Variants in NTN4 observed in about 807,000 individuals in gnomAD.
NTN4 encodes netrin-4.
Under a neutral mutation model 73.6 loss-of-function variants are expected in NTN4, and 32 were observed. The observed-to-expected ratio is 0.44, with a 90% confidence interval of 0.33 to 0.58. The LOEUF (loss-of-function observed/expected upper bound fraction) is 0.58, where lower values mean the gene tolerates loss of function less well. Ranked by LOEUF, NTN4 falls within the 20% of genes least tolerant of loss-of-function variation. The pLI, the probability that NTN4 is intolerant of heterozygous loss-of-function variation, is 0.04. For missense variants in NTN4, 654 were observed against 798.3 expected (o/e 0.82, Z 2.18); for synonymous variants, 258 against 287.5 (o/e 0.90, Z 1.04).
At chr12:95,747,759 A>G (rs1415785129) in intron 2 of NTN4, among the ~76,000 whole-genome samples, 1 of 152,198 alleles carries the variant, frequency 6.6e-6, no homozygotes, top group Non-Finnish European at 1.5e-5. Flanking sequence ...TTCCAATATA[A>G]AAATAATGGA....
At chr12:95,786,618 C>T (rs1230380567) in intron 2 of NTN4, among the ~76,000 whole-genome samples, 1 of 152,082 alleles carries the variant, frequency 6.6e-6, no homozygotes, top group African/African-American at 2.4e-5. Context: ...TAACTCTTCC[C>T]CCTTCAGAAG....
intron 2 of NTN4, among the ~76,000 whole-genome samples, chr12:95,767,098 T>A (rs1200645083): frequency 6.6e-6 from 1 of 152,118 alleles, no homozygotes; most frequent in Non-Finnish European, 1.5e-5. Context: ...CAGGATTGAG[T>A]CCAAACTGCT....
chr12:95,659,096 T>C lies in NTN4; in HGVS notation c.1877A>G (p.Glu626Gly). The change falls in exon 10 of 10, where the codon GAG becomes GGG. Residue 626 changes from glutamate to glycine, a missense_variant. Coordinates refer to ENST00000343702, the MANE Select transcript of NTN4 (RefSeq NM_021229.4). ...GRKVMDILKR[E>G]CK ...CTATCCATCTTAATGCTACTTGCACTCTCTTTTTAAAATATCCATGACTTT... is the reference window on the plus strand; with the variant it reads ...CTATCCATCTTAATGCTACTTGCACCCTCTTTTTAAAATATCCATGACTTT... The C allele has an allele frequency of 6.2e-7, 1 of 1,611,888 alleles. No homozygotes were observed.
intron 2 of NTN4, among the ~76,000 whole-genome samples, chr12:95,741,250 T>C (rs904134177): frequency 4.0e-5 from 6 of 150,848 alleles, no homozygotes; most frequent in African/African-American, 1.2e-4. Flanking sequence ...ATAGAGACTA[T>C]GTTTCTCCTA....
intron 2 of NTN4, among the ~76,000 whole-genome samples, chr12:95,744,110 C>T: frequency 6.6e-6 from 1 of 152,208 alleles, no homozygotes; most frequent in African/African-American, 2.4e-5. Flanking sequence ...CTATCTTGGC[C>T]AGGCTGGTCT....
chr12:95,660,680 T>C (rs988179557), intron 9 of NTN4, among the ~76,000 whole-genome samples: 4 of 152,172 alleles, frequency 2.6e-5, no homozygotes, highest in African/African-American at 9.7e-5. Context: ...AATTATAGGG[T>C]AGATAAAATA....
intron 2 of NTN4, among the ~76,000 whole-genome samples, chr12:95,748,651 A>G (rs2078880562): frequency 6.6e-6 from 1 of 151,994 alleles, no homozygotes; most frequent in African/African-American, 2.4e-5. Context: ...TTGTATTTTT[A>G]GTGGAGCTGG....
intron 5 of NTN4, among the ~76,000 whole-genome samples, chr12:95,696,805 A>T (rs1384656049): frequency 6.6e-6 from 1 of 152,212 alleles, no homozygotes; most frequent in East Asian, 1.9e-4. Context: ...ATTATTCTGC[A>T]CCTTCCCAGA....
At chr12:95,770,359 G>A (rs2121269004) in intron 2 of NTN4, among the ~76,000 whole-genome samples, 1 of 152,312 alleles carries the variant, frequency 6.6e-6, no homozygotes, top group African/African-American at 2.4e-5. Context: ...AGGGAGCTAT[G>A]GTTACGAAAG....
At chr12:95,699,073 A>G (rs2078463650) in intron 5 of NTN4, among the ~76,000 whole-genome samples, 1 of 151,538 alleles carries the variant, frequency 6.6e-6, no homozygotes, top group African/African-American at 2.4e-5. Flanking sequence ...TATTACTGCC[A>G]AGTTACTGTT....
intron 3 of NTN4, among the ~76,000 whole-genome samples, chr12:95,731,553 C>CA (rs2078737472): frequency 6.6e-6 from 1 of 151,994 alleles, no homozygotes; most frequent in Non-Finnish European, 1.5e-5. Context: ...GACTCTGTCT[C>CA]AAAAAATAAT....
intron 5 of NTN4, among the ~76,000 whole-genome samples, chr12:95,697,346 G>C (rs995371061): frequency 1.3e-5 from 2 of 151,992 alleles, no homozygotes; most frequent in African/African-American, 4.8e-5. Context: ...ATTATTTTTT[G>C]CCACACCTCT....
intron 2 of NTN4, among the ~76,000 whole-genome samples, chr12:95,771,832 C>T (rs1006306022): frequency 3.3e-5 from 5 of 152,032 alleles, no homozygotes; most frequent in African/African-American, 7.2e-5. Context: ...CCTTTTCCAT[C>T]ATCATTTGTT....
In NTN4 at chr12:95,790,035, C is replaced by T. The variant is rs2079196590; in HGVS notation, c.55+220G>A. ...CCCCGGCAGGGCGCACCCAGGATAG[C>T]TGGTTATCCAAGCGCATGTGTATCC... On this transcript the variant is annotated intron_variant, in intron 1 of 9. Transcript: ENST00000343702. The surrounding 1 kb of genome is among the most constrained non-coding windows in gnomAD (Gnocchi z 6.5). 2 of 446,126 alleles carry T rather than the reference C, an allele frequency of 4.5e-6. No homozygotes were observed. 27.6% of individuals were successfully genotyped at this position (446,126 alleles called of 1,614,324 possible).
chr12:95,773,501 C>A (rs1347508407), intron 2 of NTN4, among the ~76,000 whole-genome samples: 1 of 152,176 alleles, frequency 6.6e-6, no homozygotes, highest in Admixed American at 6.5e-5. Flanking sequence ...GCCCATCACT[C>A]TGATCTCACC....
intron 7 of NTN4, chr12:95,672,853 G>T: frequency 7.3e-7 from 1 of 1,377,354 alleles, no homozygotes; most frequent in Admixed American, 1.7e-5. Flanking sequence ...GGTACTGATT[G>T]CAGCCCATGG....
chr12:95,784,683 C>T lies in NTN4; in HGVS notation c.585+2256G>A, dbSNP rs925255244. ...TCAGGAGGCTGAGGCAGGAGAATTG[C>T]TTGAATCTAGGAAGCGGAGGCTTCA... On this transcript the variant is annotated intron_variant, in intron 2 of 9. Transcript: ENST00000343702. Among the ~76,000 whole-genome samples the T allele has an allele frequency of 2.0e-5, 3 of 151,936 alleles. No individual in the cohort carries two copies. The East Asian group carries it at 5.8e-4, about 29-fold the overall frequency.
intron 2 of NTN4, among the ~76,000 whole-genome samples, chr12:95,765,150 CTAAAAATATCTT>C (rs1487249933): frequency 1.3e-5 from 2 of 152,142 alleles, no homozygotes; most frequent in Non-Finnish European, 2.9e-5. Flanking sequence ...ACATTGCTGT[CTAAAAATATCTT>C]TAAAAACATA....
chr12:95,748,977 C>A (rs1323749124), intron 2 of NTN4, among the ~76,000 whole-genome samples: 1 of 152,196 alleles, frequency 6.6e-6, no homozygotes, highest in Non-Finnish European at 1.5e-5. Flanking sequence ...CCCTGCCCTG[C>A]CTTAACTGAT....
Sources: gnomAD v4.1 joint callset for allele counts (sites outside exome capture counted in the v4.1 genomes callset) on GRCh38, gnomAD v4.1.1 for gene constraint, Gnocchi (gnomAD v3.1) non-coding constraint, MANE v1.5 for transcripts, NCBI Gene and HGNC (gene_info 2026-07-23, HGNC 2026-07-21) for gene names.